Variants in WWOX observed in about 807,000 individuals in gnomAD.
WWOX encodes the protein WW domain containing oxidoreductase, also known as WW domain-containing oxidoreductase.
A neutral mutation model predicts 46.2 loss-of-function variants in WWOX; 69 were observed. The ratio of observed to expected loss-of-function variants is 1.49; its 90% CI spans 1.23 to 1.82. The LOEUF is 1.82. Among genes scored for constraint, WWOX ranks in the 40% most tolerant of loss-of-function variants. The probability of loss-of-function intolerance (pLI) is 0.00; values close to 1 mark genes in which losing one functional copy is unlikely to be tolerated. For missense variants in WWOX, 919 were observed against 542.6 expected (o/e 1.69, Z -6.89); for synonymous variants, 359 against 202.6 (o/e 1.77, Z -6.56).
chr16:78,429,760 C>T (rs533792460), intron 7 of WWOX, among the ~76,000 whole-genome samples: 1 of 152,180 alleles, frequency 6.6e-6, no homozygotes, highest in Non-Finnish European at 1.5e-5. Flanking sequence ...AACTTACATG[C>T]ACAAATATAT....
intron 8 of WWOX, among the ~76,000 whole-genome samples, chr16:78,721,025 C>G (rs938795873): frequency 2.0e-5 from 3 of 152,138 alleles, no homozygotes; most frequent in African/African-American, 4.8e-5. Flanking sequence ...CTATTGCCAA[C>G]TCCTGCATTC....
intron 5 of WWOX, among the ~76,000 whole-genome samples, chr16:78,191,519 T>A (rs1309992450): frequency 6.6e-6 from 1 of 152,214 alleles, no homozygotes; most frequent in Non-Finnish European, 1.5e-5. Flanking sequence ...TTAAAAAATC[T>A]TGGATACCTG....
intron 8 of WWOX, among the ~76,000 whole-genome samples, chr16:78,625,508 A>G (rs949960805): frequency 1.3e-5 from 2 of 152,106 alleles, no homozygotes; most frequent in Non-Finnish European, 2.9e-5. Flanking sequence ...TTAAAGAAAA[A>G]TCAAGACTGT....
chr16:79,025,418 C>T (rs1020820471), intron 8 of WWOX, among the ~76,000 whole-genome samples: 6 of 152,200 alleles, frequency 3.9e-5, no homozygotes, highest in East Asian at 3.9e-4. Flanking sequence ...CTTGGGTGGA[C>T]CCTAAATCCA....
intron 8 of WWOX, among the ~76,000 whole-genome samples, chr16:78,470,524 G>A (rs2084196881): frequency 6.6e-6 from 1 of 151,982 alleles, no homozygotes; most frequent in Admixed American, 6.6e-5. Flanking sequence ...ATATATGTAT[G>A]TATGCATGTA....
intron 8 of WWOX, among the ~76,000 whole-genome samples, chr16:78,639,290 C>G (rs2046647685): frequency 6.6e-6 from 1 of 152,206 alleles, no homozygotes; most frequent in Non-Finnish European, 1.5e-5. Flanking sequence ...CGCAGGGAAG[C>G]AACCCAAGCT....
At chr16:78,701,699 G>T (rs886459190) in intron 8 of WWOX, among the ~76,000 whole-genome samples, 2 of 152,046 alleles carry the variant, frequency 1.3e-5, no homozygotes, top group African/African-American at 2.4e-5. Flanking sequence ...ATGCAAAGGT[G>T]CCAGGCAGGC....
intron 8 of WWOX, among the ~76,000 whole-genome samples, chr16:78,578,284 A>ATATATATATATATATATTTTTTTT (rs1555567122): frequency 4.8e-5 from 1 of 20,838 alleles, no homozygotes; most frequent in African/African-American, 2.3e-4. Flanking sequence ...ATATATATAT[A>ATATATATATATATATATTTTTTTT]TTTTTTTTTT....
intron 6 of WWOX, among the ~76,000 whole-genome samples, chr16:78,394,149 T>C (rs2082237267): frequency 6.6e-6 from 1 of 152,168 alleles, no homozygotes; most frequent in South Asian, 2.1e-4. Flanking sequence ...TCTCCCTAGC[T>C]CGGTTTTAAG....
intron 5 of WWOX, among the ~76,000 whole-genome samples, chr16:78,319,056 G>C (rs1183149232): frequency 6.6e-6 from 1 of 152,116 alleles, no homozygotes. Flanking sequence ...TATCTGGTTG[G>C]GCACAGTGTA....
intron 7 of WWOX, among the ~76,000 whole-genome samples, chr16:78,426,403 G>C (rs564676255): frequency 1.3e-5 from 2 of 152,288 alleles, no homozygotes; most frequent in South Asian, 4.2e-4. Context: ...CACTCTCCTT[G>C]TAAATCTGTA....
At chr16:79,148,437 G>T (rs935113699) in intron 8 of WWOX, among the ~76,000 whole-genome samples, 4 of 152,090 alleles carry the variant, frequency 2.6e-5, no homozygotes, top group Admixed American at 1.3e-4. Flanking sequence ...CTGTCTCTCT[G>T]ACAATTATAC....
At chr16:79,006,891 A>T (rs76066249) in intron 8 of WWOX, among the ~76,000 whole-genome samples, 4,195 of 152,196 alleles carry the variant, frequency 0.028, 179 homozygotes, top group African/African-American at 0.096. Flanking sequence ...CCTTTGTGAT[A>T]GTTTTGCACC....
rs546462128 is a variant in WWOX, at chr16:79,007,001, A to G, written c.1057-204607A>G. ...ATTTCCCTTTGTCGCGTAACCTAACATATTCACAGGTTCTGGTGAGTGGGA... is the reference window on the plus strand; with the variant it reads ...ATTTCCCTTTGTCGCGTAACCTAACGTATTCACAGGTTCTGGTGAGTGGGA... On this transcript the variant is annotated intron_variant, in intron 8 of 8. Transcript: ENST00000566780. Among the ~76,000 whole-genome samples the G allele has an allele frequency of 2.6e-4, 40 of 152,256 alleles. 1 individual carries two copies. Among genetic ancestry groups the G allele is most frequent in the Middle Eastern group, 3.4e-3 (1 of 294 alleles).
chr16:78,362,622 A>G (rs1476588805), intron 5 of WWOX, among the ~76,000 whole-genome samples: 1 of 152,022 alleles, frequency 6.6e-6, no homozygotes, highest in Non-Finnish European at 1.5e-5. Flanking sequence ...CCCACCCTGC[A>G]AAAAAAGAAA....
chr16:78,149,882 C>A (rs60054568), intron 4 of WWOX, among the ~76,000 whole-genome samples: 1 of 152,116 alleles, frequency 6.6e-6, no homozygotes, highest in Non-Finnish European at 1.5e-5. Flanking sequence ...AACACTGTGT[C>A]TTCCTCTTCT....
At chr16:78,595,238 G>C (rs1458294138) in intron 8 of WWOX, among the ~76,000 whole-genome samples, 1 of 152,164 alleles carries the variant, frequency 6.6e-6, no homozygotes, top group Non-Finnish European at 1.5e-5. Context: ...AGCAGGTTTA[G>C]CAGTCGTGGG....
At chr16:78,815,141 A>G (rs1241504824) in intron 8 of WWOX, among the ~76,000 whole-genome samples, 2 of 152,158 alleles carry the variant, frequency 1.3e-5, no homozygotes, top group Non-Finnish European at 2.9e-5. Context: ...CCTGGCCAAC[A>G]TAGTGAAAAC....
chr16:78,729,090 C>T (rs1169197143), intron 8 of WWOX, among the ~76,000 whole-genome samples: 3 of 152,130 alleles, frequency 2.0e-5, no homozygotes, highest in Non-Finnish European at 4.4e-5. Context: ...TGCCTGCAAT[C>T]CCAGCACTTT....
Sources: gnomAD v4.1 joint callset for allele counts (sites outside exome capture counted in the v4.1 genomes callset) on GRCh38, gnomAD v4.1.1 for gene constraint, MANE v1.5 for transcripts, NCBI Gene and HGNC (gene_info 2026-07-23, HGNC 2026-07-21) for gene names.